The following CARHSP1 variants were observed in gnomAD, a reference collection of about 807,000 sequenced individuals.
The protein encoded by CARHSP1 is calcium-regulated heat-stable protein 1.
Under a neutral mutation model 12.5 loss-of-function variants are expected in CARHSP1, and 14 were observed. The observed-to-expected ratio is 1.12, with a 90% confidence interval of 0.74 to 1.75. The LOEUF (loss-of-function observed/expected upper bound fraction) is 1.75. Ranked by LOEUF, CARHSP1 falls within the 40% of genes most tolerant of loss-of-function variation. CARHSP1 has a pLI of 0.00. For missense variants in CARHSP1, 343 were observed against 201.6 expected (o/e 1.70, Z -4.25); for synonymous variants, 161 against 82.0 (o/e 1.96, Z -5.20).
chr16:8,854,165 TAAG>T lies in CARHSP1; in HGVS notation c.*996_*998del, dbSNP rs2061023276. Reference sequence around the variant, plus strand: ...GGGTGAAAGCTTTAGTTATGAAAAATAAGAAAAAAAAAATCCCTAAGCATTTCT... The same window carrying T: ...GGGTGAAAGCTTTAGTTATGAAAAATAAAAAAAAAATCCCTAAGCATTTCT... On this transcript the variant is annotated 3_prime_UTR_variant, in exon 4 of 4. Transcript: ENST00000311052. The T allele has an allele frequency of 6.7e-6, 1 of 149,006 alleles. No homozygotes were observed. Among genetic ancestry groups the T allele is most frequent in the Admixed American group, 6.7e-5 (1 of 15,016 alleles). The allele number at this position is 149,006 out of a possible 1,614,324, so 9.2% of individuals were successfully genotyped here. A position where few individuals can be genotyped will look rare whatever the true frequency, so the allele number is the denominator to read the frequency against.
intron 1 of CARHSP1, among the ~76,000 whole-genome samples, chr16:8,865,014 G>A (rs1221675565): frequency 6.6e-6 from 1 of 152,182 alleles, no homozygotes; most frequent in East Asian, 1.9e-4. Context: ...ACATCAATGG[G>A]AGCCAAGCAG....
intron 1 of CARHSP1, among the ~76,000 whole-genome samples, chr16:8,861,250 C>T (rs2061345859): frequency 7.1e-6 from 1 of 140,368 alleles, no homozygotes; most frequent in East Asian, 2.2e-4. Context: ...AACTCCTGGG[C>T]TCAACGGATT....
At position 8,866,292 on chromosome 16, in the gene CARHSP1, C is replaced by G. The variant is rs138738270; in HGVS notation, c.-8+2674G>C. 329 of 317,140 alleles carry G rather than the reference C, an allele frequency of 1.0e-3. 2 individuals carry two copies. The highest frequency in any genetic ancestry group is 7.1e-3 in the African/African-American group (315 of 44,412). 19.6% of individuals were successfully genotyped at this position (317,140 alleles called of 1,614,324 possible). On this transcript the variant is annotated intron_variant, in intron 1 of 3. Transcript: ENST00000311052. ...GGCGCTCCCAGTGAGGCAGCTGTCCCTGACCCAGGGAACACGGCAGTAGCC... is the reference window on the plus strand; with the variant it reads ...GGCGCTCCCAGTGAGGCAGCTGTCCGTGACCCAGGGAACACGGCAGTAGCC...
intron 1 of CARHSP1, chr16:8,867,166 C>T (rs890410892): frequency 2.6e-5 from 4 of 152,358 alleles, no homozygotes; most frequent in African/African-American, 9.7e-5. Context: ...CCAAGCCCTC[C>T]TTCTCAACAA....
rs140564537 is a variant in CARHSP1, at chr16:8,859,054, G to A, written c.158+117C>T. The stretch of plus-strand genomic sequence containing the variant: ...CCCTCAGCCCACGGCCCAGCCCCAG[G>A]TCTGCCTATTTGGCAGTCCGGGACA... On this transcript the variant is annotated intron_variant, in intron 2 of 3. Coordinates refer to ENST00000311052, the MANE Select transcript of CARHSP1 (RefSeq NM_014316.4). The A allele has an allele frequency of 3.8e-4, 364 of 958,942 alleles. 1 individual carries two copies. The South Asian group carries it at 5.3e-3, about 14-fold the overall frequency. The allele number at this position is 958,942 out of a possible 1,614,324, so 59.4% of individuals were successfully genotyped here.
At chr16:8,858,815 C>T in intron 2 of CARHSP1, 2 of 409,644 alleles carry the variant, frequency 4.9e-6, no homozygotes, top group Non-Finnish European at 8.8e-6. Flanking sequence ...CCTGCATCTG[C>T]CAGGCATTAT....
intron 3 of CARHSP1, among the ~76,000 whole-genome samples, chr16:8,855,851 C>G (rs2061085415): frequency 6.6e-6 from 1 of 152,224 alleles, no homozygotes; most frequent in African/African-American, 2.4e-5. Context: ...GAGACAGAGT[C>G]TTGTTCTGTT....
Position 8,853,832 on chromosome 16 carries a change from T to TCCCAGCACTTTGA in CARHSP1, c.*1319_*1331dup. 1 of 152,194 alleles carries TCCCAGCACTTTGA rather than the reference T, an allele frequency of 6.6e-6. No individual in the cohort carries two copies. The highest frequency in any genetic ancestry group is 1.5e-5 in the Non-Finnish European group (1 of 68,040). The allele number at this position is 152,194 out of a possible 1,614,324, so 9.4% of individuals were successfully genotyped here. A position where few individuals can be genotyped will look rare whatever the true frequency, so the allele number is the denominator to read the frequency against. On this transcript the variant is annotated 3_prime_UTR_variant, in exon 4 of 4. Transcript: ENST00000311052. ...CGGGCGCGATGGCTCACACTTGTAA[T>TCCCAGCACTTTGA]CCCAGCACTTTGAGAGGCCGAGATG...
chr16:8,853,233 G>C lies in CARHSP1; in HGVS notation c.*1931C>G, dbSNP rs2060994569. On this transcript the variant is annotated 3_prime_UTR_variant, in exon 4 of 4. Transcript: ENST00000311052. Reference sequence around the variant, plus strand: ...GACAGAATCCCAGGGTCACAGGAGAGAGGCTTGGGGCAGTGAAAGCCCTCT... The same window carrying C: ...GACAGAATCCCAGGGTCACAGGAGACAGGCTTGGGGCAGTGAAAGCCCTCT... 1.3e-5 allele frequency: 2 copies of C among 152,190 alleles called. No individual in the cohort carries two copies. The highest frequency in any genetic ancestry group is 2.9e-5 in the Non-Finnish European group (2 of 68,066). The allele number at this position is 152,190 out of a possible 1,614,324, so 9.4% of individuals were successfully genotyped here. A position where few individuals can be genotyped will look rare whatever the true frequency, so the allele number is the denominator to read the frequency against.
chr16:8,864,783 C>G (rs866537264), intron 1 of CARHSP1, among the ~76,000 whole-genome samples: 1 of 152,180 alleles, frequency 6.6e-6, no homozygotes, highest in Non-Finnish European at 1.5e-5. Flanking sequence ...ATGGGTGTGT[C>G]GGCTGGGAGA....
rs149072869 is a variant in CARHSP1 at position 8,855,238 on chromosome 16, C to T, written c.370G>A (p.Val124Met). 8.9e-4 allele frequency: 1,442 copies of T among 1,613,316 alleles called. 2 individuals are homozygous for T. Among genetic ancestry groups the T allele is most frequent in the Non-Finnish European group, 9.5e-4 (1,125 of 1,179,536 alleles). The change falls in exon 4 of 4, where the codon GTG becomes ATG. Residue 124 changes from valine to methionine, a missense_variant. By Grantham distance (21) the Val-to-Met change is conservative (BLOSUM62 1). Coordinates refer to ENST00000311052, the MANE Select transcript of CARHSP1 (RefSeq NM_014316.4). Reference sequence around the variant, plus strand: ...GCCAGGTGAGTGATGACGACCTCCACGGCCTGCAGCTTCTCATTCTTGGGT... The same window carrying T: ...GCCAGGTGAGTGATGACGACCTCCATGGCCTGCAGCTTCTCATTCTTGGGT... ...IPPKNEKLQA[V>M]EVVITHLAPG...
chr16:8,860,790 C>G (rs1015819918), intron 1 of CARHSP1, among the ~76,000 whole-genome samples: 1 of 152,140 alleles, frequency 6.6e-6, no homozygotes, highest in African/African-American at 2.4e-5. Context: ...GTGGCTCACA[C>G]CTGTAATCCC....
chr16:8,855,833 C>A, intron 3 of CARHSP1, among the ~76,000 whole-genome samples: 1 of 152,198 alleles, frequency 6.6e-6, no homozygotes, highest in South Asian at 2.1e-4. Flanking sequence ...CCCAGCCTGC[C>A]TTTTTTTGAG....
Position 8,860,502 on chromosome 16 carries a change from G to A in CARHSP1, c.-7-1167C>T, listed in dbSNP as rs376034450. On this transcript the variant is annotated intron_variant, in intron 1 of 3. Coordinates refer to ENST00000311052, the MANE Select transcript of CARHSP1 (RefSeq NM_014316.4). Reference sequence around the variant, plus strand: ...CGTGGCCTCAGCTCGAGGTTCAGGGGAAAGAGAAACAGTCCAGCAGTCAGA... The same window carrying A: ...CGTGGCCTCAGCTCGAGGTTCAGGGAAAAGAGAAACAGTCCAGCAGTCAGA... The A allele has an allele frequency of 2.3e-5, 23 of 985,436 alleles. No homozygotes were observed. In the East Asian group the frequency reaches 1.1e-3, roughly 49 times the overall value. 61.0% of individuals were successfully genotyped at this position (985,436 alleles called of 1,614,324 possible). A position where few individuals can be genotyped will look rare whatever the true frequency, so the allele number is the denominator to read the frequency against.
In CARHSP1 at chr16:8,853,519, C is replaced by G. The variant is rs1455514351; in HGVS notation, c.*1645G>C. The G allele has an allele frequency of 1.3e-5, 2 of 152,180 alleles. No individual in the cohort carries two copies. The highest frequency in any genetic ancestry group is 6.5e-5 in the Admixed American group (1 of 15,268). The allele number at this position is 152,180 out of a possible 1,614,324, so 9.4% of individuals were successfully genotyped here. On this transcript the variant is annotated 3_prime_UTR_variant, in exon 4 of 4. Transcript: ENST00000311052. ...TATTCTCAAACAACTCCCTTCCACC[C>G]CCTTAGGCTGAAAGGACAAACTCAT...
chr16:8,859,144 C>T (rs774267885), intron 2 of CARHSP1, 27 bp downstream of exon 2: 116 of 1,555,704 alleles, frequency 7.5e-5, no homozygotes, highest in South Asian at 2.0e-4. Flanking sequence ...CATCTGAGAA[C>T]GCGTCCCCAG....
intron 1 of CARHSP1, among the ~76,000 whole-genome samples, chr16:8,864,335 G>A (rs563205339): frequency 2.8e-3 from 424 of 152,286 alleles, no homozygotes; most frequent in Non-Finnish European, 4.3e-3. Context: ...CTGGGCACCT[G>A]TGCTGCCACA....
At position 8,854,204 on chromosome 16, in the gene CARHSP1, T is replaced by C. The variant is rs2141063174; in HGVS notation, c.*960A>G. ...TCCCTAAGCATTTCTTAACACTAGT[T>C]TTAAAGAAAACCCCCTCTCCAAAGG... is the stretch of plus-strand genomic sequence containing the variant. On this transcript the variant is annotated 3_prime_UTR_variant, in exon 4 of 4. Coordinates refer to ENST00000311052, the MANE Select transcript of CARHSP1 (RefSeq NM_014316.4). The C allele has an allele frequency of 6.6e-6, 1 of 152,214 alleles. No individual in the cohort carries two copies. Among genetic ancestry groups the C allele is most frequent in the African/African-American group, 2.4e-5 (1 of 41,510 alleles). The allele number at this position is 152,214 out of a possible 1,614,324, so 9.4% of individuals were successfully genotyped here. A position where few individuals can be genotyped will look rare whatever the true frequency, so the allele number is the denominator to read the frequency against.
Position 8,859,202 on chromosome 16 carries a change from G to A in CARHSP1, c.127C>T (p.Leu43=), listed in dbSNP as rs370691384. Reference sequence around the variant, plus strand: ...AAGGTCCTCGTCCGGCGAGTGGGCAGTGGGCTTGGGACCACGTTGCCCCGC... The same window carrying A: ...AAGGTCCTCGTCCGGCGAGTGGGCAATGGGCTTGGGACCACGTTGCCCCGC... ...PLRGNVVPSP[L]PTRRTRTFSA... Residue 43 remains leucine (L), a synonymous_variant, in exon 2 of 4, where the codon CTG becomes TTG. Transcript: ENST00000311052. 1 of 1,603,654 alleles carries A rather than the reference G, an allele frequency of 6.2e-7. No individual in the cohort carries two copies. Among genetic ancestry groups the A allele is most frequent in the Non-Finnish European group, 8.5e-7 (1 of 1,175,852 alleles).
Sources: gnomAD v4.1 joint callset for allele counts (sites outside exome capture counted in the v4.1 genomes callset) on GRCh38, gnomAD v4.1.1 for gene constraint, MANE v1.5 for transcripts, NCBI Gene and HGNC (gene_info 2026-07-23, HGNC 2026-07-21) for gene names.